CDH18: variants seen among roughly 807,000 people sequenced by gnomAD.
CDH18 encodes cadherin 18, also known as cadherin-18.
In CDH18, 31 loss-of-function variants were observed where a neutral mutation model predicts 67.9. The ratio of observed to expected loss-of-function variants is 0.46; its 90% confidence interval spans 0.34 to 0.62. CDH18 has a LOEUF of 0.62. CDH18 is among the 20% of genes least tolerant of loss of function. The pLI is 0.01. For synonymous variants in CDH18, 362 were observed against 347.2 expected (o/e 1.04, Z -0.48); for missense variants, 890 against 975.5 (o/e 0.91, Z 1.17).
intron 1 of CDH18, among the ~76,000 whole-genome samples, chr5:20,405,947 G>A (rs1184236126): frequency 6.6e-6 from 1 of 152,128 alleles, no homozygotes; most frequent in African/African-American, 2.4e-5. Flanking sequence ...GTGCTGGAGA[G>A]GATGTGAAGA....
intron 11 of CDH18, among the ~76,000 whole-genome samples, chr5:19,496,711 C>CT (rs1415728683): frequency 1.4e-5 from 2 of 147,582 alleles, no homozygotes; most frequent in Non-Finnish European, 3.0e-5. Context: ...ACTCGGGAGG[C>CT]TGAGTTAGGA....
intron 2 of CDH18, among the ~76,000 whole-genome samples, chr5:20,069,670 A>G (rs542393161): frequency 4.3e-4 from 66 of 152,124 alleles, no homozygotes; most frequent in African/African-American, 1.6e-3. Flanking sequence ...CTCAGCCTCC[A>G]AAAGTGCTGG....
chr5:19,631,114 G>A (rs1752355707), intron 5 of CDH18, among the ~76,000 whole-genome samples: 1 of 151,516 alleles, frequency 6.6e-6, no homozygotes, highest in Non-Finnish European at 1.5e-5. Flanking sequence ...CACCAAGCAG[G>A]AGTTTAGGCA....
intron 2 of CDH18, among the ~76,000 whole-genome samples, chr5:20,095,431 G>GA (rs757155791): frequency 4.2e-5 from 5 of 119,874 alleles, no homozygotes; most frequent in African/African-American, 1.3e-4. Flanking sequence ...AAGAAAGAAA[G>GA]AAAGAAAGAA....
chr5:20,121,850 T>C (rs1438317972), intron 2 of CDH18, among the ~76,000 whole-genome samples: 1 of 152,138 alleles, frequency 6.6e-6, no homozygotes, highest in Non-Finnish European at 1.5e-5. Context: ...AAAATAAAAG[T>C]AGCTCAAAAA....
intron 2 of CDH18, among the ~76,000 whole-genome samples, chr5:20,198,444 G>T (rs1015506763): frequency 1.3e-5 from 2 of 152,178 alleles, no homozygotes; most frequent in Non-Finnish European, 2.9e-5. Context: ...GCAGCATCCT[G>T]CCCCTGCCCT....
At chr5:19,975,732 T>A (rs1798437417) in intron 2 of CDH18, among the ~76,000 whole-genome samples, 1 of 152,198 alleles carries the variant, frequency 6.6e-6, no homozygotes, top group African/African-American at 2.4e-5. Context: ...AATGTGTTAC[T>A]TTTTCATTTT....
At chr5:19,676,327 T>C (rs1457917363) in intron 5 of CDH18, among the ~76,000 whole-genome samples, 4 of 152,052 alleles carry the variant, frequency 2.6e-5, no homozygotes, top group Non-Finnish European at 5.9e-5. Context: ...ATCATTCAAA[T>C]TGAACAAATG....
In CDH18 at chr5:20,513,077, G is replaced by A. The variant is rs1023977564; in HGVS notation, c.-580+62385C>T. Among the ~76,000 whole-genome samples, 9 of 151,978 alleles carry A rather than the reference G, an allele frequency of 5.9e-5. 1 individual carries two copies. In the South Asian group the frequency reaches 1.0e-3, roughly 18 times the overall value. On this transcript the variant is annotated intron_variant, in intron 1 of 14. Transcript: ENST00000507958. ...ATAATAATTTCGTACAGATTTCTTC[G>A]TATGTTTTTATAATTAATGAATGAA...
intron 2 of CDH18, among the ~76,000 whole-genome samples, chr5:20,189,557 C>T (rs1037255984): frequency 6.6e-6 from 1 of 152,106 alleles, no homozygotes; most frequent in Non-Finnish European, 1.5e-5. Context: ...TGAAACACCT[C>T]TATGAGGGAG....
At chr5:19,994,591 T>A (rs1735733260) in intron 2 of CDH18, among the ~76,000 whole-genome samples, 1 of 148,370 alleles carries the variant, frequency 6.7e-6, no homozygotes, top group African/African-American at 2.5e-5. Context: ...ACTTTATTGC[T>A]TCCCAACACC....
chr5:20,284,440 G>C (rs1264177341), intron 1 of CDH18, among the ~76,000 whole-genome samples: 6 of 151,856 alleles, frequency 4.0e-5, no homozygotes, highest in African/African-American at 1.2e-4. Context: ...GGCTTATACA[G>C]TTTTTCTAAC....
At chr5:19,596,771 G>C (rs968633062) in intron 6 of CDH18, among the ~76,000 whole-genome samples, 1 of 152,136 alleles carries the variant, frequency 6.6e-6, no homozygotes, top group Non-Finnish European at 1.5e-5. Context: ...CACATTTTAA[G>C]AATTGCAAGA....
intron 1 of CDH18, among the ~76,000 whole-genome samples, chr5:20,344,650 T>C (rs142440145): frequency 1.3e-5 from 2 of 152,064 alleles, no homozygotes; most frequent in African/African-American, 4.8e-5. Context: ...AAAAGATAAA[T>C]GATATTATCA....
At chr5:20,207,629 T>G (rs1256718723) in intron 2 of CDH18, among the ~76,000 whole-genome samples, 1 of 151,988 alleles carries the variant, frequency 6.6e-6, no homozygotes, top group East Asian at 1.9e-4. Flanking sequence ...TTCACTATCA[T>G]GAGAACAGCA....
chr5:20,510,378 T>A (rs1404109972), intron 1 of CDH18, among the ~76,000 whole-genome samples: 1 of 152,206 alleles, frequency 6.6e-6, no homozygotes, highest in African/African-American at 2.4e-5. Flanking sequence ...TGCCCCTTCC[T>A]CTCTTGCTAT....
At position 20,289,067 on chromosome 5, in the gene CDH18, C is replaced by T. The variant is rs150894793; in HGVS notation, c.-579-33562G>A. Among the ~76,000 whole-genome samples the T allele has an allele frequency of 6.2e-4, 94 of 151,992 alleles. 1 individual carries two copies. The highest frequency in any genetic ancestry group is 1.4e-3 in the Admixed American group (22 of 15,236). On this transcript the variant is annotated intron_variant, in intron 1 of 14. Transcript: ENST00000507958. ...TTCTTTCTGAATCCTACTGAATAAT[C>T]AGTGGCATTAGATTATTGTCCCAAT...
At chr5:20,376,003 T>G (rs1325050234) in intron 1 of CDH18, among the ~76,000 whole-genome samples, 2 of 151,870 alleles carry the variant, frequency 1.3e-5, no homozygotes, top group African/African-American at 2.4e-5. Context: ...CAACGTGGTA[T>G]GTTGTAGGTA....
intron 9 of CDH18, among the ~76,000 whole-genome samples, chr5:19,538,440 A>G (rs1027943267): frequency 2.0e-5 from 3 of 152,304 alleles, no homozygotes; most frequent in East Asian, 3.9e-4. Flanking sequence ...AAAAACTGTG[A>G]TATATGATGA....
Sources: gnomAD v4.1 joint callset for allele counts (sites outside exome capture counted in the v4.1 genomes callset) on GRCh38, gnomAD v4.1.1 for gene constraint, MANE v1.5 for transcripts, NCBI Gene and HGNC (gene_info 2026-07-23, HGNC 2026-07-21) for gene names.